The following USP4 variants were observed in gnomAD, a reference collection of about 807,000 sequenced individuals.
USP4 encodes the protein ubiquitin specific peptidase 4.
A neutral mutation model predicts 118.2 loss-of-function variants in USP4; 72 were observed. The ratio of observed to expected loss-of-function variants is 0.61; its 90% confidence interval spans 0.50 to 0.74. The LOEUF is 0.74. Among genes scored for constraint, USP4 ranks in the 30% least tolerant of loss-of-function variants. USP4 has a pLI of 0.00. For missense variants in USP4, 1,037 were observed against 1,185.7 expected, an observed-to-expected ratio of 0.87 and a Z score of 1.84; for synonymous variants, 415 against 440.4, an observed-to-expected ratio of 0.94 and a Z score of 0.72.
At chr3:49,323,965 G>A (rs1181291213) in intron 6 of USP4, among the ~76,000 whole-genome samples, 2 of 152,018 alleles carry the variant, frequency 1.3e-5, no homozygotes, top group African/African-American at 4.8e-5. Context: ...AGGCCACTGG[G>A]CAGAAACAGG....
At chr3:49,330,704 GGGAGGCT>G (rs566854275) in intron 2 of USP4, among the ~76,000 whole-genome samples, 3 of 151,976 alleles carry the variant, frequency 2.0e-5, no homozygotes, top group Non-Finnish European at 2.9e-5. Context: ...TAAAAATATT[GGGAGGCT>G]GGAGGCTGGA....
intron 20 of USP4, among the ~76,000 whole-genome samples, chr3:49,280,228 C>A (rs527968514): frequency 1.3e-5 from 2 of 151,678 alleles, no homozygotes; most frequent in African/African-American, 4.8e-5. Flanking sequence ...TGCGCCACTG[C>A]TTTCCAGCCT....
At chr3:49,306,783 T>C (rs1218124066) in intron 8 of USP4, among the ~76,000 whole-genome samples, 1 of 151,960 alleles carries the variant, frequency 6.6e-6, no homozygotes, top group Non-Finnish European at 1.5e-5. Flanking sequence ...GAAAATAATT[T>C]TTTTGTTTTG....
In USP4 at chr3:49,339,937, G is replaced by T; in HGVS notation, c.88C>A (p.Arg30Ser). 1 of 1,613,130 alleles carries T rather than the reference G, an allele frequency of 6.2e-7. No individual in the cohort carries two copies. Among genetic ancestry groups the T allele is most frequent in the African/African-American group, 1.3e-5 (1 of 75,032 alleles). The change falls in exon 1 of 22, where the codon CGC (arginine) becomes AGC (serine). Residue 30 changes from arginine (R) to serine (S), a missense_variant. Arg to Ser is a moderately radical substitution (Grantham distance 110). Coordinates refer to ENST00000265560, the MANE Select transcript of USP4 (RefSeq NM_003363.4). ...CCGGGAGCTCACCACTGCGCCCCGC[G>T]TTGGAGTGTGGTCCTCATTAAGGGT... ...LGPLMRTTLQ[R>S]GAQWYLIDSR...
At position 49,278,227 on chromosome 3, in the gene USP4, G is replaced by A. The variant is rs2046982371; in HGVS notation, c.*66C>T. On this transcript the variant is annotated 3_prime_UTR_variant, in exon 22 of 22. Coordinates refer to ENST00000265560, the MANE Select transcript of USP4 (RefSeq NM_003363.4). The stretch of plus-strand genomic sequence containing the variant: ...AGACAGAACACTAGCAGTCTGCAGA[G>A]TGTCAAAGATGTTCTCCTGGGGGAT... 6.4e-7 allele frequency: 1 copy of A among 1,557,952 alleles called. No individual in the cohort carries two copies. Among genetic ancestry groups the A allele is most frequent in the Admixed American group, 1.9e-5 (1 of 52,700 alleles).
intron 1 of USP4, among the ~76,000 whole-genome samples, chr3:49,339,608 AC>A (rs1233035199): frequency 6.6e-6 from 1 of 152,172 alleles, no homozygotes; most frequent in Admixed American, 6.5e-5. Context: ...CCAAGGTCAC[AC>A]GGCGAGTCCT....
chr3:49,315,797 G>A (rs1575614331), intron 6 of USP4, among the ~76,000 whole-genome samples: 2 of 152,258 alleles, frequency 1.3e-5, no homozygotes, highest in Middle Eastern at 6.8e-3. Context: ...CCAAAGTGAG[G>A]CTCTGGACAA....
At chr3:49,332,369 G>C (rs1197483858) in intron 2 of USP4, among the ~76,000 whole-genome samples, 3 of 151,662 alleles carry the variant, frequency 2.0e-5, no homozygotes, top group Non-Finnish European at 4.4e-5. Context: ...GAGGTGGGAG[G>C]ATCACTTGAG....
At chr3:49,339,862 AAGG>A in intron 1 of USP4, 59 bp downstream of exon 1, 2 of 1,428,294 alleles carry the variant, frequency 1.4e-6, no homozygotes, top group Middle Eastern at 1.8e-4. Context: ...AGCCGAGAAA[AAGG>A]AGGCCCCTTT....
intron 2 of USP4, among the ~76,000 whole-genome samples, chr3:49,330,657 C>T (rs2047607195): frequency 6.6e-6 from 1 of 151,988 alleles, no homozygotes; most frequent in African/African-American, 2.4e-5. Context: ...AAGATTAGCT[C>T]AGTGCTTTTT....
intron 10 of USP4, among the ~76,000 whole-genome samples, chr3:49,302,121 T>C (rs2047268222): frequency 6.8e-6 from 1 of 147,338 alleles, no homozygotes; most frequent in South Asian, 2.1e-4. Context: ...GAGGCTGAGG[T>C]GAGAAGACTG....
intron 8 of USP4, among the ~76,000 whole-genome samples, chr3:49,309,943 C>CTTTTGTTTTTTTT (rs2047365953): frequency 2.5e-5 from 1 of 40,236 alleles, no homozygotes; most frequent in African/African-American, 1.1e-4. Flanking sequence ...TTTTTTTAAT[C>CTTTTGTTTTTTTT]TTTTTTTTTT....
chr3:49,277,338 GCC>G lies in USP4; in HGVS notation c.*953_*954del. On this transcript the variant is annotated 3_prime_UTR_variant, in exon 22 of 22. Transcript: ENST00000265560. ...AGGCCTTGCCCACACGCAGCGGCTG[GCC>G]CCGCGGTGGGAGTGGGGACGGGGCT... 1 of 955,286 alleles carries G rather than the reference GCC, an allele frequency of 1.0e-6. No individual in the cohort carries two copies. Among genetic ancestry groups the G allele is most frequent in the Non-Finnish European group, 1.4e-6 (1 of 707,468 alleles). The allele number at this position is 955,286 out of a possible 1,614,324, so 59.2% of individuals were successfully genotyped here. A position where few individuals can be genotyped will look rare whatever the true frequency, so the allele number is the denominator to read the frequency against.
chr3:49,321,409 T>C (rs1343444550), intron 6 of USP4, among the ~76,000 whole-genome samples: 3 of 152,184 alleles, frequency 2.0e-5, no homozygotes, highest in Non-Finnish European at 4.4e-5. Context: ...TATGTTGGAA[T>C]TACCCAGAAT....
At position 49,277,325 on chromosome 3, in the gene USP4, C is replaced by T; in HGVS notation, c.*968G>A. ...GTCCGGTTCCTTAAGGCCTTGCCCA[C>T]ACGCAGCGGCTGGCCCCGCGGTGGG... On this transcript the variant is annotated 3_prime_UTR_variant, in exon 22 of 22. Coordinates refer to ENST00000265560, the MANE Select transcript of USP4 (RefSeq NM_003363.4). The T allele has an allele frequency of 9.5e-7, 1 of 1,053,698 alleles. No homozygotes were observed. Among genetic ancestry groups the T allele is most frequent in the Non-Finnish European group, 1.3e-6 (1 of 792,296 alleles). 65.3% of individuals were successfully genotyped at this position (1,053,698 alleles called of 1,614,324 possible).
intron 6 of USP4, chr3:49,312,008 C>T (rs990617473): frequency 3.8e-6 from 2 of 525,784 alleles, no homozygotes; most frequent in South Asian, 8.3e-5. Flanking sequence ...ACAGTGAAAC[C>T]CTGTCTCTAC....
chr3:49,288,998 C>A (rs971635584), intron 15 of USP4, among the ~76,000 whole-genome samples: 2 of 152,082 alleles, frequency 1.3e-5, no homozygotes, highest in Admixed American at 1.3e-4. Context: ...TAGTTCCCAG[C>A]TACTCAAAAG....
intron 1 of USP4, among the ~76,000 whole-genome samples, chr3:49,336,876 T>C (rs1281626500): frequency 1.3e-5 from 2 of 152,026 alleles, no homozygotes; most frequent in Non-Finnish European, 2.9e-5. Flanking sequence ...AGGCAGACAG[T>C]TTGGTTACAC....
intron 14 of USP4, chr3:49,293,647 G>C (rs2047174314): frequency 6.6e-6 from 1 of 151,914 alleles, no homozygotes; most frequent in Non-Finnish European, 1.5e-5. Flanking sequence ...TTCCAGCCTG[G>C]GCGAGAGAGC....
Sources: allele counts gnomAD v4.1 joint callset (sites outside exome capture counted in the v4.1 genomes callset), GRCh38; gene constraint gnomAD v4.1.1; transcripts MANE v1.5; gene names NCBI Gene and HGNC (gene_info 2026-07-23, HGNC 2026-07-21).